Variants in DZIP3 observed in about 807,000 individuals in gnomAD.
DZIP3 encodes E3 ubiquitin-protein ligase DZIP3.
Under a neutral mutation model 162.0 loss-of-function variants are expected in DZIP3, and 118 were observed. The ratio of observed to expected loss-of-function variants is 0.73; its 90% CI spans 0.63 to 0.85. DZIP3 has a LOEUF of 0.85. DZIP3 is among the 40% of genes least tolerant of loss of function. DZIP3 has a pLI of 0.00. For missense variants in DZIP3, 1,331 were observed against 1,407.0 expected, an observed-to-expected ratio of 0.95 and a Z score of 0.86; for synonymous variants, 438 against 458.6, an observed-to-expected ratio of 0.96 and a Z score of 0.57.
intron 26 of DZIP3, among the ~76,000 whole-genome samples, chr3:108,682,592 G>A (rs1559783971): frequency 6.6e-6 from 1 of 150,818 alleles, no homozygotes; most frequent in East Asian, 1.9e-4. Flanking sequence ...TGAAAAAACA[G>A]TGGTTACCAG....
In DZIP3 at chr3:108,686,462, G is replaced by A; in HGVS notation, c.3027G>A (p.Trp1009Ter). The A allele has an allele frequency of 1.3e-6, 2 of 1,595,592 alleles. No homozygotes were observed. The highest frequency in any genetic ancestry group is 8.5e-7 in the Non-Finnish European group (1 of 1,173,374). Residue 1009 changes from tryptophan to a stop codon, truncating the protein, a stop_gained, in exon 28 of 33, where the codon TGG (tryptophan) becomes TGA (stop). Coordinates refer to ENST00000361582, the MANE Select transcript of DZIP3 (RefSeq NM_014648.4). LOFTEE classifies it high-confidence loss of function. Reference protein sequence around the residue: ...PRAPLMTGIAWALPAPVGDAV... With the variant: ...PRAPLMTGIA ...TCTTACAGATGACTGGCATAGCCTG[G>A]GCTCTGCCAGCGCCTGTGGGAGACG...
At chr3:108,643,984 G>A (rs762035559) in intron 13 of DZIP3, among the ~76,000 whole-genome samples, 180 bp from the exon 14 acceptor site, 27 of 152,056 alleles carry the variant, frequency 1.8e-4, no homozygotes, top group South Asian at 4.1e-4. Context: ...TTTTGTTTAG[G>A]TTTTTTGACA....
chr3:108,610,101 C>A (rs1265521338), intron 3 of DZIP3, among the ~76,000 whole-genome samples: 2 of 152,020 alleles, frequency 1.3e-5, no homozygotes, highest in African/African-American at 4.8e-5. Context: ...AATAGTAGTA[C>A]AATGAACATC....
Position 108,636,597 on chromosome 3 carries a change from T to G in DZIP3, c.919-19T>G. ...AGTGATTTTTTTCTATTTTTATTTT[T>G]TTCTATTAATAAATTTAGAGTTTTA... On this transcript the variant is annotated intron_variant, in intron 10 of 32. Transcript: ENST00000361582. 1 of 1,480,292 alleles carries G rather than the reference T, an allele frequency of 6.8e-7. No homozygotes were observed. The highest frequency in any genetic ancestry group is 9.1e-7 in the Non-Finnish European group (1 of 1,100,604). The allele number at this position is 1,480,292 out of a possible 1,614,324, so 91.7% of individuals were successfully genotyped here.
At chr3:108,626,421 A>G (rs538592666) in intron 7 of DZIP3, among the ~76,000 whole-genome samples, 1 of 152,338 alleles carries the variant, frequency 6.6e-6, no homozygotes, top group Non-Finnish European at 1.5e-5. Context: ...TAGTATTATC[A>G]CCACTAACTT....
chr3:108,609,777 G>T (rs928878779), intron 3 of DZIP3, among the ~76,000 whole-genome samples: 3 of 152,168 alleles, frequency 2.0e-5, no homozygotes, highest in Admixed American at 6.5e-5. Flanking sequence ...GGAGGTCAAG[G>T]CTGCAGTGAG....
chr3:108,627,264 G>T (rs927474366), intron 7 of DZIP3, among the ~76,000 whole-genome samples: 5 of 152,194 alleles, frequency 3.3e-5, no homozygotes, highest in African/African-American at 1.2e-4. Context: ...GCATTGGAGA[G>T]AATTCATTTT....
chr3:108,686,897 T>A (rs1944518987), intron 28 of DZIP3, among the ~76,000 whole-genome samples: 1 of 152,204 alleles, frequency 6.6e-6, no homozygotes, highest in Non-Finnish European at 1.5e-5. Context: ...CATTATTATC[T>A]TAACCTATCT....
chr3:108,665,201 A>C (rs895372576), intron 21 of DZIP3, among the ~76,000 whole-genome samples: 8 of 152,346 alleles, frequency 5.3e-5, no homozygotes, highest in Non-Finnish European at 5.9e-5. Flanking sequence ...AGCAACCATC[A>C]TAAAAATGCT....
Position 108,654,225 on chromosome 3 carries a change from A to T in DZIP3, c.2114A>T (p.Asp705Val). ...PHSVSRLIKD[D>V]ASDVQEDSAM... The stretch of plus-strand genomic sequence containing the variant: ...TCAGTCAGTAGACTTATAAAAGATG[A>T]TGCAAGTGATGTTCAAGAGGATTCT... The change falls in exon 19 of 33, where the codon GAT (aspartate) becomes GTT (valine). Residue 705 changes from aspartate to valine, a missense_variant. Transcript: ENST00000361582. The T allele has an allele frequency of 1.2e-6, 2 of 1,613,850 alleles. No individual in the cohort carries two copies. The highest frequency in any genetic ancestry group is 1.7e-6 in the Non-Finnish European group (2 of 1,179,780).
At chr3:108,607,949 G>A (rs1940472303) in intron 2 of DZIP3, 140 bp from the exon 3 acceptor site, 1 of 701,224 alleles carries the variant, frequency 1.4e-6, no homozygotes, top group South Asian at 1.7e-5. Flanking sequence ...AAGAGATATG[G>A]CACCTACCAC....
At chr3:108,687,270 G>C (rs557598616) in intron 28 of DZIP3, among the ~76,000 whole-genome samples, 1 of 152,022 alleles carries the variant, frequency 6.6e-6, no homozygotes, top group East Asian at 1.9e-4. Context: ...TAGAACTCTA[G>C]TACAGTTGTT....
intron 7 of DZIP3, among the ~76,000 whole-genome samples, chr3:108,626,910 T>G (rs1941614808): frequency 6.6e-6 from 1 of 152,236 alleles, no homozygotes; most frequent in Non-Finnish European, 1.5e-5. Flanking sequence ...GGCAAACTCT[T>G]ATGAAGGATT....
chr3:108,594,986 C>T (rs1939635941), intron 1 of DZIP3, among the ~76,000 whole-genome samples: 1 of 152,132 alleles, frequency 6.6e-6, no homozygotes, highest in Non-Finnish European at 1.5e-5. Context: ...CAGGTAAATA[C>T]ATTTTTAAAT....
chr3:108,646,668 A>C lies in DZIP3; in HGVS notation c.1792+19A>C, dbSNP rs773272171. On this transcript the variant is annotated intron_variant, in intron 15 of 32. Coordinates refer to ENST00000361582, the MANE Select transcript of DZIP3 (RefSeq NM_014648.4). ...AGTCAGCGTAAGTATATTTAGAAAT[A>C]AAATGTGTAAATGACTTTTTAACAA... The C allele has an allele frequency of 4.6e-6, 7 of 1,512,908 alleles. No individual in the cohort carries two copies. The highest frequency in any genetic ancestry group is 6.2e-6 in the Non-Finnish European group (7 of 1,120,896). 93.7% of individuals were successfully genotyped at this position (1,512,908 alleles called of 1,614,324 possible). A position where few individuals can be genotyped will look rare whatever the true frequency, so the allele number is the denominator to read the frequency against.
rs1329979411 is a variant in DZIP3, at chr3:108,658,840, C to A, written c.2200-3037C>A. On this transcript the variant is annotated intron_variant, in intron 19 of 32. Coordinates refer to ENST00000361582, the MANE Select transcript of DZIP3 (RefSeq NM_014648.4). Reference sequence around the variant, plus strand: ...ACCAATCCCACAGAAATACAAACTACCATCAGAGAATACTATAAACACCTC... The same window carrying A: ...ACCAATCCCACAGAAATACAAACTAACATCAGAGAATACTATAAACACCTC... 3.3e-5 allele frequency among the ~76,000 whole-genome samples: 5 copies of A among 152,238 alleles called. No individual in the cohort carries two copies. In the East Asian group the frequency reaches 7.7e-4, roughly 23 times the overall value.
At chr3:108,650,088 T>C (rs1942795706) in intron 17 of DZIP3, among the ~76,000 whole-genome samples, 1 of 151,792 alleles carries the variant, frequency 6.6e-6, no homozygotes, top group Non-Finnish European at 1.5e-5. Flanking sequence ...CAAAGGCATA[T>C]AGTGTGTCTT....
chr3:108,650,774 C>T (rs558961327), intron 17 of DZIP3, among the ~76,000 whole-genome samples: 3 of 151,592 alleles, frequency 2.0e-5, no homozygotes, highest in Non-Finnish European at 3.0e-5. Flanking sequence ...ACAGACACAG[C>T]CCCAATACTC....
At position 108,654,316 on chromosome 3, in the gene DZIP3, C is replaced by T. The variant is rs767005406; in HGVS notation, c.2199+6C>T. 1.8e-5 allele frequency: 29 copies of T among 1,613,220 alleles called. No homozygotes were observed. Among genetic ancestry groups the T allele is most frequent in the Non-Finnish European group, 2.4e-5 (28 of 1,179,486 alleles). On this transcript the variant is annotated splice_donor_region_variant and intron_variant, in intron 19 of 32. Transcript: ENST00000361582. ...TTCTGGACATGATAGAGCAGGTAAGCATGATTAGAGAGGGTGCCTGCCTTC... is the reference window on the plus strand; with the variant it reads ...TTCTGGACATGATAGAGCAGGTAAGTATGATTAGAGAGGGTGCCTGCCTTC...
Sources: allele counts gnomAD v4.1 joint callset (sites outside exome capture counted in the v4.1 genomes callset), GRCh38; gene constraint gnomAD v4.1.1; transcripts MANE v1.5; gene names NCBI Gene and HGNC (gene_info 2026-07-23, HGNC 2026-07-21).